The following ADGRL2 variants were observed in gnomAD, a reference collection of about 807,000 sequenced individuals.
ADGRL2 encodes adhesion G protein-coupled receptor L2, also known as calcium-independent alpha-latrotoxin receptor 2.
In ADGRL2, 44 loss-of-function variants were observed where a neutral mutation model predicts 157.4. The ratio of observed to expected loss-of-function variants is 0.28; its 90% CI spans 0.22 to 0.36. The LOEUF (loss-of-function observed/expected upper bound fraction) is 0.36. Ranked by LOEUF, ADGRL2 falls within the 10% of genes least tolerant of loss-of-function variation. The probability of loss-of-function intolerance (pLI) is 1.00; values close to 1 mark genes in which losing one functional copy is unlikely to be tolerated. For synonymous variants in ADGRL2, 585 were observed against 624.7 expected, an observed-to-expected ratio of 0.94 and a Z score of 0.95; for missense variants, 1,510 against 1,768.9, an observed-to-expected ratio of 0.85 and a Z score of 2.63.
intron 3 of ADGRL2, among the ~76,000 whole-genome samples, chr1:81,914,847 C>G (rs558784186): frequency 2.0e-5 from 3 of 152,014 alleles, no homozygotes; most frequent in Non-Finnish European, 4.4e-5. Flanking sequence ...ATTGGTATAC[C>G]TAATTGGACA....
intron 1 of ADGRL2, among the ~76,000 whole-genome samples, chr1:81,702,991 C>G (rs1388548721): frequency 6.6e-6 from 1 of 152,164 alleles, no homozygotes; most frequent in East Asian, 1.9e-4. Context: ...ATGAAGAAAG[C>G]ATGTAACCCA....
At chr1:81,782,880 G>GCCC (rs1557647457) in intron 2 of ADGRL2, among the ~76,000 whole-genome samples, 49 of 152,288 alleles carry the variant, frequency 3.2e-4, no homozygotes, top group Admixed American at 1.0e-3. Flanking sequence ...ATCTACCTGA[G>GCCC]TATCAAAGAA....
chr1:81,764,069 G>A (rs1370899233), intron 2 of ADGRL2, among the ~76,000 whole-genome samples: 1 of 141,430 alleles, frequency 7.1e-6, no homozygotes, highest in African/African-American at 2.6e-5. Context: ...GCACACGCCT[G>A]TAGTCCCAGC....
chr1:81,409,694 A>C (rs2076916878), intron 1 of ADGRL2, among the ~76,000 whole-genome samples: 1 of 152,236 alleles, frequency 6.6e-6, no homozygotes, highest in South Asian at 2.1e-4. Context: ...GTGAATCTCC[A>C]TTAGTCAAAT....
intron 2 of ADGRL2, among the ~76,000 whole-genome samples, chr1:81,463,899 C>T (rs1015736753): frequency 6.6e-6 from 1 of 152,072 alleles, no homozygotes; most frequent in Non-Finnish European, 1.5e-5. Flanking sequence ...GTATTAAAGC[C>T]TACTTTAAAC....
intron 2 of ADGRL2, among the ~76,000 whole-genome samples, chr1:81,895,195 A>G (rs1348222761): frequency 1.3e-5 from 2 of 152,090 alleles, no homozygotes; most frequent in Non-Finnish European, 2.9e-5. Context: ...TGTTAACCCA[A>G]ATAAGTTCTA....
intron 17 of ADGRL2, among the ~76,000 whole-genome samples, chr1:81,973,940 AAT>A (rs5775658): frequency 6.6e-6 from 1 of 151,556 alleles, no homozygotes; most frequent in Admixed American, 6.6e-5. Flanking sequence ...GTGGGGAAAA[AAT>A]ATATATATAT....
chr1:81,971,788 T>C, intron 16 of ADGRL2, 64 bp from the exon 17 acceptor site: 1 of 864,654 alleles, frequency 1.2e-6, no homozygotes, highest in Non-Finnish European at 1.9e-6. Context: ...TAAAATCCTA[T>C]TTTCCTTGTG....
intron 11 of ADGRL2, among the ~76,000 whole-genome samples, chr1:81,963,934 A>G (rs1261175507): frequency 6.6e-6 from 1 of 151,178 alleles, no homozygotes. Context: ...GTCATAAACT[A>G]TTAGGGTTTT....
chr1:81,622,597 T>C (rs1445265136), intron 3 of ADGRL2, among the ~76,000 whole-genome samples: 3 of 151,050 alleles, frequency 2.0e-5, no homozygotes, highest in Non-Finnish European at 3.0e-5. Flanking sequence ...AAAAAACCTA[T>C]GTTTTTGGGG....
intron 3 of ADGRL2, among the ~76,000 whole-genome samples, chr1:81,909,433 G>A (rs1228739671): frequency 6.6e-6 from 1 of 152,114 alleles, no homozygotes; most frequent in Admixed American, 6.5e-5. Flanking sequence ...ACTTAAGAAA[G>A]CATAAAACTA....
chr1:81,371,258 G>A (rs1334649343), intron 1 of ADGRL2, among the ~76,000 whole-genome samples: 1 of 152,130 alleles, frequency 6.6e-6, no homozygotes, highest in Non-Finnish European at 1.5e-5. Context: ...TCAGTGTTCT[G>A]TGCAAATTAG....
chr1:81,503,375 G>T (rs2078897863), intron 2 of ADGRL2: 1 of 1,613,826 alleles, frequency 6.2e-7, no homozygotes, highest in African/African-American at 1.3e-5. Context: ...CTCGGCAGCA[G>T]CGCCAGCAGC....
intron 1 of ADGRL2, among the ~76,000 whole-genome samples, chr1:81,318,365 A>T (rs1660255508): frequency 6.6e-6 from 1 of 152,206 alleles, no homozygotes; most frequent in African/African-American, 2.4e-5. Flanking sequence ...TATTCCATAA[A>T]AAGGAAGTGA....
chr1:81,734,139 G>A (rs1232450062), intron 1 of ADGRL2, among the ~76,000 whole-genome samples: 1 of 151,220 alleles, frequency 6.6e-6, no homozygotes, highest in Admixed American at 6.6e-5. Flanking sequence ...AGCCAGGCAT[G>A]GTGGTGCATG....
At chr1:81,924,929 T>A (rs1252058498) in intron 3 of ADGRL2, among the ~76,000 whole-genome samples, 1 of 152,164 alleles carries the variant, frequency 6.6e-6, no homozygotes, top group Non-Finnish European at 1.5e-5. Flanking sequence ...CTCATATTTG[T>A]TATTAAGCAC....
chr1:81,496,454 A>G (rs186336875), intron 2 of ADGRL2, among the ~76,000 whole-genome samples: 2 of 152,250 alleles, frequency 1.3e-5, no homozygotes, highest in Non-Finnish European at 2.9e-5. Flanking sequence ...AACAGCCTGA[A>G]TTCACCTAGT....
At chr1:81,524,753 G>A (rs2148194512) in intron 2 of ADGRL2, among the ~76,000 whole-genome samples, 1 of 152,176 alleles carries the variant, frequency 6.6e-6, no homozygotes, top group South Asian at 2.1e-4. Flanking sequence ...AGTTTGGGGA[G>A]AACATCTTGA....
intron 10 of ADGRL2, among the ~76,000 whole-genome samples, chr1:81,955,540 C>T (rs771913122): frequency 6.6e-6 from 1 of 152,076 alleles, no homozygotes; most frequent in Non-Finnish European, 1.5e-5. Context: ...AGTTTTGACT[C>T]TACCTGTAAG....
Sources: gnomAD v4.1 joint callset for allele counts (sites outside exome capture counted in the v4.1 genomes callset) on GRCh38, gnomAD v4.1.1 for gene constraint, MANE v1.5 for transcripts, NCBI Gene and HGNC (gene_info 2026-07-23, HGNC 2026-07-21) for gene names.